The following ERCC6L2 variants were observed in gnomAD, a reference collection of about 807,000 sequenced individuals.
ERCC6L2 encodes DNA excision repair protein ERCC-6-like 2.
ERCC6L2 carries 77 observed loss-of-function variants against 132.0 expected under a neutral mutation model. The ratio of observed to expected loss-of-function variants is 0.58; its 90% CI spans 0.49 to 0.71. The LOEUF is 0.71. ERCC6L2 is among the 30% of genes least tolerant of loss of function. The pLI, the probability that ERCC6L2 is intolerant of heterozygous loss-of-function variation, is 0.00. For synonymous variants in ERCC6L2, 583 were observed against 632.4 expected, an observed-to-expected ratio of 0.92 and a Z score of 1.17; for missense variants, 1,542 against 1,837.6, an observed-to-expected ratio of 0.84 and a Z score of 2.94.
In ERCC6L2 at chr9:95,941,589, TTTAATC is replaced by T. The variant is rs780282177; in HGVS notation, c.1847+42_1847+47del. The T allele has an allele frequency of 1.1e-5, 15 of 1,413,350 alleles. No homozygotes were observed. The East Asian group carries it at 3.4e-4, about 32-fold the overall frequency. 87.6% of individuals were successfully genotyped at this position (1,413,350 alleles called of 1,614,324 possible). ...AAATTTAAAGTGATCTGCAAATACT[TTTAATC>T]TAAAAATACTCTTGAACTTTTAAGG... On this transcript the variant is annotated intron_variant, in intron 12 of 18. Coordinates refer to ENST00000653738, the MANE Select transcript of ERCC6L2 (RefSeq NM_020207.7).
At chr9:95,932,024 G>C (rs1830361460) in intron 11 of ERCC6L2, among the ~76,000 whole-genome samples, 1 of 148,404 alleles carries the variant, frequency 6.7e-6, no homozygotes. Context: ...TTTTTGCTCT[G>C]TTCTGAGAAA....
chr9:95,948,174 T>C (rs879876881), intron 12 of ERCC6L2, among the ~76,000 whole-genome samples: 1 of 152,218 alleles, frequency 6.6e-6, no homozygotes, highest in Admixed American at 6.5e-5. Context: ...TAAGAACATT[T>C]GTGATTCATG....
chr9:95,924,296 A>G (rs986362971), intron 9 of ERCC6L2, among the ~76,000 whole-genome samples: 21 of 152,112 alleles, frequency 1.4e-4, no homozygotes, highest in Admixed American at 1.1e-3. Context: ...AATAAAATAG[A>G]AGGTAGGAAT....
chr9:95,948,402 C>A (rs764493192), intron 12 of ERCC6L2, among the ~76,000 whole-genome samples: 7 of 152,126 alleles, frequency 4.6e-5, no homozygotes, highest in Non-Finnish European at 8.8e-5. Context: ...CCTGTAATCC[C>A]AACATTTTGG....
At chr9:95,951,256 A>G (rs1253978819) in intron 12 of ERCC6L2, among the ~76,000 whole-genome samples, 2 of 152,212 alleles carry the variant, frequency 1.3e-5, no homozygotes, top group South Asian at 2.1e-4. Flanking sequence ...AAGTTAGAAA[A>G]TAGCTTGAAA....
chr9:95,943,335 G>A (rs1318751059), intron 12 of ERCC6L2, among the ~76,000 whole-genome samples: 1 of 152,088 alleles, frequency 6.6e-6, no homozygotes. Flanking sequence ...ACCCTGGTCA[G>A]TTCTCAAATT....
In ERCC6L2 at chr9:95,966,545, T is replaced by C. The variant is rs1480384367; in HGVS notation, c.1948-17T>C. ...GAGCAAACACTTCAAAAATGTCTTG[T>C]GTTTTTTCTGTTTTAGCAACTTCAC... On this transcript the variant is annotated splice_polypyrimidine_tract_variant and intron_variant, in intron 13 of 18. Coordinates refer to ENST00000653738, the MANE Select transcript of ERCC6L2 (RefSeq NM_020207.7). 1.4e-6 allele frequency: 2 copies of C among 1,446,114 alleles called. No homozygotes were observed. Among genetic ancestry groups the C allele is most frequent in the East Asian group, 2.4e-5 (1 of 41,626 alleles). 89.6% of individuals were successfully genotyped at this position (1,446,114 alleles called of 1,614,324 possible).
chr9:95,947,144 G>A (rs1351183104), intron 12 of ERCC6L2, among the ~76,000 whole-genome samples: 5 of 152,154 alleles, frequency 3.3e-5, no homozygotes. Context: ...GCCAAGATGG[G>A]CCAAAAGCTA....
chr9:96,014,864 C>G lies in ERCC6L2; in HGVS notation c.*1661C>G, dbSNP rs1235526684. On this transcript the variant is annotated 3_prime_UTR_variant, in exon 19 of 19. Transcript: ENST00000653738. Reference sequence around the variant, plus strand: ...GACTTGACTTGTAGATGTTTTCAGCCTACAATGTGATCAGCTATCTGAGGA... The same window carrying G: ...GACTTGACTTGTAGATGTTTTCAGCGTACAATGTGATCAGCTATCTGAGGA... Among the ~76,000 whole-genome samples the G allele has an allele frequency of 6.6e-6, 1 of 152,068 alleles. No individual in the cohort carries two copies. The highest frequency in any genetic ancestry group is 2.4e-5 in the African/African-American group (1 of 41,394).
chr9:95,885,117 TG>T, intron 2 of ERCC6L2, among the ~76,000 whole-genome samples: 1 of 152,318 alleles, frequency 6.6e-6, no homozygotes, highest in Non-Finnish European at 1.5e-5. Flanking sequence ...GATTTTTTTT[TG>T]TCAAAGATTA....
chr9:96,029,303 C>CAAAAAA (rs201014094), intron 19 of ERCC6L2, among the ~76,000 whole-genome samples: 29 of 81,756 alleles, frequency 3.5e-4, no homozygotes, highest in Admixed American at 6.0e-4. Flanking sequence ...GACTCCGTCT[C>CAAAAAA]AAAAAAAAAA....
intron 6 of ERCC6L2, chr9:95,918,557 C>T (rs1829710727): frequency 2.3e-6 from 1 of 429,784 alleles, no homozygotes; most frequent in Non-Finnish European, 4.7e-6. Flanking sequence ...ATTACAGCTA[C>T]TCTGAGAATT....
rs1827211059 is a variant in ERCC6L2, at chr9:95,875,726, C to T, written c.-313C>T. On this transcript the variant is annotated 5_prime_UTR_variant, in exon 1 of 19. Transcript: ENST00000653738. ...AAGATTTGGGGGTCGCCTTGCCGGCCTCCTGTCCTCCTCCGGCGGCGGCGG... is the reference window on the plus strand; with the variant it reads ...AAGATTTGGGGGTCGCCTTGCCGGCTTCCTGTCCTCCTCCGGCGGCGGCGG... 4 of 453,066 alleles carry T rather than the reference C, an allele frequency of 8.8e-6. No homozygotes were observed. The highest frequency in any genetic ancestry group is 5.8e-4 in the Middle Eastern group (1 of 1,712). The allele number at this position is 453,066 out of a possible 1,614,324, so 28.1% of individuals were successfully genotyped here. A position where few individuals can be genotyped will look rare whatever the true frequency, so the allele number is the denominator to read the frequency against.
intron 17 of ERCC6L2, among the ~76,000 whole-genome samples, chr9:95,998,162 G>A (rs934449768): frequency 6.6e-5 from 10 of 151,560 alleles, no homozygotes; most frequent in Non-Finnish European, 7.4e-5. Flanking sequence ...TTTGAAAAAC[G>A]TGTTCATGCT....
At chr9:95,894,510 A>G (rs1241756240) in intron 2 of ERCC6L2, among the ~76,000 whole-genome samples, 1 of 150,512 alleles carries the variant, frequency 6.6e-6, no homozygotes, top group East Asian at 1.9e-4. Flanking sequence ...TTGTATTGTG[A>G]TCAAAGAACA....
intron 17 of ERCC6L2, among the ~76,000 whole-genome samples, chr9:95,997,960 A>T (rs1458113415): frequency 6.6e-6 from 1 of 152,246 alleles, no homozygotes; most frequent in Non-Finnish European, 1.5e-5. Context: ...TATTTTAGTG[A>T]AACCAACTTT....
In ERCC6L2 at chr9:95,907,857, C is replaced by CACAAACACACACACACACACACACACA; in HGVS notation, c.788+586_788+587insACAAACACACACACACACACACACACA. On this transcript the variant is annotated intron_variant, in intron 4 of 18. Coordinates refer to ENST00000653738, the MANE Select transcript of ERCC6L2 (RefSeq NM_020207.7). ...CACACACACACACACACACACACAC[C>CACAAACACACACACACACACACACACA]CCCACACCCACACACCCACTGTAGC... Among the ~76,000 whole-genome samples the CACAAACACACACACACACACACACACA allele has an allele frequency of 3.3e-3, 437 of 133,796 alleles. 4 individuals carry two copies. Among genetic ancestry groups the CACAAACACACACACACACACACACACA allele is most frequent in the South Asian group, 0.01 (42 of 4,018 alleles). 87.8% of individuals were successfully genotyped at this position (133,796 alleles called of 152,430 possible).
At position 95,972,014 on chromosome 9, in the gene ERCC6L2, A is replaced by C. The variant is rs759951499; in HGVS notation, c.2263A>C (p.Ser755Arg). ...GGCAAAGGAAGCATGTGATCTCTGC[A>C]GTGACTTCAGTGATGAAGAGCCAGT... is the stretch of plus-strand genomic sequence containing the variant. ...PLAKEACDLC[S>R]DFSDEEPVGA... The change falls in exon 16 of 19, where the codon AGT (serine) becomes CGT (arginine). Residue 755 changes from serine to arginine, a missense_variant. Physicochemically the swap from Ser to Arg is moderately radical, Grantham distance 110. Around this residue, in one of 4 missense-constraint regions of ERCC6L2, gnomAD observed 945 missense variants for 1,105.2 expected, o/e 0.86. Coordinates refer to ENST00000653738, the MANE Select transcript of ERCC6L2 (RefSeq NM_020207.7). 6.1e-6 allele frequency: 8 copies of C among 1,304,114 alleles called. No individual in the cohort carries two copies. The highest frequency in any genetic ancestry group is 8.1e-6 in the Non-Finnish European group (8 of 988,942). 80.8% of individuals were successfully genotyped at this position (1,304,114 alleles called of 1,614,324 possible). A position where few individuals can be genotyped will look rare whatever the true frequency, so the allele number is the denominator to read the frequency against.
At chr9:95,919,803 G>A (rs560664275) in intron 6 of ERCC6L2, among the ~76,000 whole-genome samples, 2 of 152,304 alleles carry the variant, frequency 1.3e-5, no homozygotes, top group South Asian at 4.1e-4. Flanking sequence ...GGCAAAAAAG[G>A]TGAAGGGTTT....
Sources: gnomAD v4.1 joint callset for allele counts (sites outside exome capture counted in the v4.1 genomes callset) on GRCh38, gnomAD v4.1.1 for gene constraint, gnomAD v4.1.1 regional missense constraint, MANE v1.5 for transcripts, NCBI Gene and HGNC (gene_info 2026-07-23, HGNC 2026-07-21) for gene names.